TYW1B: variants seen among roughly 807,000 people sequenced by gnomAD.
TYW1B encodes the protein tRNA-yW synthesizing protein 1 homolog B.
TYW1B carries 73 observed loss-of-function variants against 86.9 expected under a neutral mutation model. The observed-to-expected ratio is 0.84, with a 90% CI of 0.70 to 1.02. The LOEUF is 1.02. TYW1B is among the 50% of genes least tolerant of loss of function. The pLI is 0.00. For missense variants in TYW1B, 637 were observed against 827.4 expected, an observed-to-expected ratio of 0.77 and a Z score of 2.82; for synonymous variants, 248 against 292.8, an observed-to-expected ratio of 0.85 and a Z score of 1.56.
chr7:72,786,573 C>CTTTTTT (rs10630508), intron 6 of TYW1B, among the ~76,000 whole-genome samples: 2 of 107,452 alleles, frequency 1.9e-5, no homozygotes, highest in Admixed American at 1.0e-4. Flanking sequence ...ATTCTTTTTT[C>CTTTTTT]TTTTTTTTTT....
intron 7 of TYW1B, among the ~76,000 whole-genome samples, chr7:72,757,950 G>A (rs1436594370): frequency 6.6e-6 from 1 of 152,056 alleles, no homozygotes; most frequent in African/African-American, 2.4e-5. Flanking sequence ...GTGTAGGCCG[G>A]GCGTGGTGGC....
chr7:72,591,692 G>A (rs536807708), intron 13 of TYW1B, among the ~76,000 whole-genome samples: 1 of 152,292 alleles, frequency 6.6e-6, no homozygotes, highest in East Asian at 1.9e-4. Flanking sequence ...CCTACAGGTT[G>A]AAATGAAAGG....
At chr7:72,781,177 A>G (rs1309354520) in intron 6 of TYW1B, among the ~76,000 whole-genome samples, 7 of 152,114 alleles carry the variant, frequency 4.6e-5, no homozygotes, top group African/African-American at 1.4e-4. Flanking sequence ...ACTCGAGCAC[A>G]GATGAACCCA....
chr7:72,609,843 C>T (rs1456162226), intron 13 of TYW1B, among the ~76,000 whole-genome samples: 5 of 152,114 alleles, frequency 3.3e-5, no homozygotes, highest in South Asian at 4.1e-4. Flanking sequence ...AAGGAAAAGA[C>T]GTGCCAGAAA....
chr7:72,696,172 T>A (rs1437529544), intron 10 of TYW1B, among the ~76,000 whole-genome samples: 1 of 152,108 alleles, frequency 6.6e-6, no homozygotes, highest in African/African-American at 2.4e-5. Context: ...GGTCTTGAAC[T>A]CCTGACCTCA....
At chr7:72,654,131 A>G (rs1813143486) in intron 11 of TYW1B, among the ~76,000 whole-genome samples, 2 of 151,794 alleles carry the variant, frequency 1.3e-5, no homozygotes, top group South Asian at 4.2e-4. Flanking sequence ...AATTAAGGGG[A>G]ACTTCCCCAA....
chr7:72,675,476 C>T (rs538542819), intron 11 of TYW1B, among the ~76,000 whole-genome samples: 1 of 151,442 alleles, frequency 6.6e-6, no homozygotes, highest in East Asian at 1.9e-4. Context: ...GACAACTACA[C>T]ATTATTAGTT....
intron 6 of TYW1B, among the ~76,000 whole-genome samples, chr7:72,782,734 A>G (rs756710846): frequency 3.3e-5 from 5 of 152,092 alleles, no homozygotes; most frequent in African/African-American, 4.8e-5. Context: ...AAAATTAGCC[A>G]GGCATGGTGG....
At chr7:72,710,612 G>A (rs1228504454) in intron 10 of TYW1B, among the ~76,000 whole-genome samples, 3 of 152,090 alleles carry the variant, frequency 2.0e-5, no homozygotes, top group Non-Finnish European at 2.9e-5. Flanking sequence ...TATCACTTGA[G>A]GTCAGGAGTT....
chr7:72,703,368 C>A (rs1452645899), intron 10 of TYW1B, among the ~76,000 whole-genome samples: 2 of 152,012 alleles, frequency 1.3e-5, no homozygotes, highest in African/African-American at 2.4e-5. Flanking sequence ...TTTTGACCCA[C>A]AAGTAAATAA....
chr7:72,691,800 CT>C (rs1814168761), intron 11 of TYW1B, among the ~76,000 whole-genome samples: 1 of 152,162 alleles, frequency 6.6e-6, no homozygotes. Context: ...ATGGATTTAA[CT>C]TCCCGGGCAT....
At chr7:72,610,130 A>T (rs1275858142) in intron 13 of TYW1B, among the ~76,000 whole-genome samples, 4 of 152,166 alleles carry the variant, frequency 2.6e-5, no homozygotes, top group Admixed American at 1.3e-4. Context: ...GTATCTCTTG[A>T]CCTACAGGTC....
chr7:72,763,282 C>CTTTTT (rs1328471948), intron 7 of TYW1B, among the ~76,000 whole-genome samples: 40 of 118,374 alleles, frequency 3.4e-4, no homozygotes, highest in South Asian at 5.5e-4. Flanking sequence ...CTTTTCTTTT[C>CTTTTT]TTTTTTTTTT....
At chr7:72,762,225 T>A (rs952234117) in intron 7 of TYW1B, among the ~76,000 whole-genome samples, 19 of 152,176 alleles carry the variant, frequency 1.2e-4, no homozygotes, top group Non-Finnish European at 5.9e-5. Flanking sequence ...ACTCTCAGGT[T>A]GGAGATGTAG....
At chr7:72,719,454 C>T (rs1489674564) in intron 9 of TYW1B, among the ~76,000 whole-genome samples, 2 of 151,462 alleles carry the variant, frequency 1.3e-5, no homozygotes, top group African/African-American at 4.9e-5. Flanking sequence ...CATGGTGAAA[C>T]CCCATCTCTA....
chr7:72,705,896 G>A (rs1177087216), intron 10 of TYW1B, among the ~76,000 whole-genome samples: 31 of 152,286 alleles, frequency 2.0e-4, no homozygotes, highest in Non-Finnish European at 4.0e-4. Flanking sequence ...GCATTACAGC[G>A]TGGAGCTATG....
intron 11 of TYW1B, among the ~76,000 whole-genome samples, chr7:72,648,166 T>G (rs549673092): frequency 6.6e-5 from 10 of 152,288 alleles, no homozygotes; most frequent in African/African-American, 2.4e-4. Flanking sequence ...TTTAATAGTA[T>G]TGATACTTAA....
At chr7:72,720,058 C>T (rs546961873) in intron 9 of TYW1B, among the ~76,000 whole-genome samples, 246 of 151,972 alleles carry the variant, frequency 1.6e-3, no homozygotes, top group Admixed American at 3.2e-3. Context: ...GTGGCTTGGA[C>T]CAAGGTGGTG....
intron 7 of TYW1B, among the ~76,000 whole-genome samples, chr7:72,762,132 G>T (rs1039397135): frequency 6.6e-6 from 1 of 152,064 alleles, no homozygotes; most frequent in Non-Finnish European, 1.5e-5. Context: ...AAGAGGTTTT[G>T]ATTTTTAATT....
Sources: allele counts gnomAD v4.1 joint callset (sites outside exome capture counted in the v4.1 genomes callset), GRCh38; gene constraint gnomAD v4.1.1; transcripts MANE v1.5; gene names NCBI Gene and HGNC (gene_info 2026-07-23, HGNC 2026-07-21).